Variants in TPRG1 observed in about 807,000 individuals in gnomAD.
TPRG1 encodes tumor protein p63 regulated 1.
Under a neutral mutation model 29.3 loss-of-function variants are expected in TPRG1, and 29 were observed. The observed-to-expected ratio is 0.99, with a 90% CI of 0.74 to 1.35. The LOEUF (loss-of-function observed/expected upper bound fraction) is 1.35. TPRG1 is among the 40% of genes most tolerant of loss of function. The pLI is 0.00. For missense variants in TPRG1, 327 were observed against 335.0 expected (o/e 0.98, Z 0.19); for synonymous variants, 130 against 116.8 (o/e 1.11, Z -0.73).
At chr3:189,054,828 A>AT (rs1224506737) in intron 4 of TPRG1, among the ~76,000 whole-genome samples, 2 of 152,196 alleles carry the variant, frequency 1.3e-5, no homozygotes, top group African/African-American at 4.8e-5. Context: ...AGATAGGATA[A>AT]TAATGACAAT....
At chr3:189,149,928 G>A (rs1407008953) in intron 4 of TPRG1, among the ~76,000 whole-genome samples, 2 of 152,120 alleles carry the variant, frequency 1.3e-5, no homozygotes, top group African/African-American at 4.8e-5. Context: ...TTTCCACATG[G>A]TTGAATAACT....
chr3:189,010,494 T>A (rs1386329375), intron 3 of TPRG1, among the ~76,000 whole-genome samples: 1 of 152,210 alleles, frequency 6.6e-6, no homozygotes, highest in East Asian at 1.9e-4. Flanking sequence ...TGAGATGGTA[T>A]CTCATTGTGG....
chr3:189,068,524 C>G (rs532335407), intron 4 of TPRG1, among the ~76,000 whole-genome samples: 1 of 152,298 alleles, frequency 6.6e-6, no homozygotes, highest in East Asian at 1.9e-4. Flanking sequence ...CGCCTGTAAT[C>G]CCAGCACTTT....
In TPRG1 at chr3:189,250,508, C is replaced by CCG. The variant is rs111406361; in HGVS notation, c.479+11600_479+11601insGC. On this transcript the variant is annotated intron_variant, in intron 4 of 5. Coordinates refer to ENST00000345063, the MANE Select transcript of TPRG1 (RefSeq NM_198485.4). ...TGTTAACAAGTTCTGATTTCCGCCC[C>CCG]CCCCCCCCCACCCAGATTAAAGCTT... 1.0e-4 allele frequency among the ~76,000 whole-genome samples: 8 copies of CCG among 80,248 alleles called. 1 individual carries two copies. The highest frequency in any genetic ancestry group is 1.9e-4 in the Non-Finnish European group (8 of 42,384). The allele number at this position is 80,248 out of a possible 152,430, so 52.6% of individuals were successfully genotyped here. A position where few individuals can be genotyped will look rare whatever the true frequency, so the allele number is the denominator to read the frequency against.
At chr3:189,093,742 A>C (rs1307075997) in intron 4 of TPRG1, among the ~76,000 whole-genome samples, 6 of 152,108 alleles carry the variant, frequency 3.9e-5, no homozygotes, top group African/African-American at 1.2e-4. Flanking sequence ...GGGTTCTGGG[A>C]AATTTGAAGC....
chr3:189,255,505 C>T (rs111621650), intron 4 of TPRG1, among the ~76,000 whole-genome samples: 13,136 of 152,078 alleles, frequency 0.086, 723 homozygotes, highest in East Asian at 0.15. Flanking sequence ...GTGCGTCTAC[C>T]GGGTTTTGGT....
intron 3 of TPRG1, among the ~76,000 whole-genome samples, chr3:189,145,689 C>A (rs1189473117): frequency 1.3e-5 from 2 of 152,098 alleles, no homozygotes; most frequent in African/African-American, 4.8e-5. Context: ...ATAATAACAG[C>A]AAATTAATAT....
chr3:189,072,691 T>A (rs1716882536), intron 4 of TPRG1, among the ~76,000 whole-genome samples: 1 of 152,188 alleles, frequency 6.6e-6, no homozygotes. Context: ...GTATTTTTTA[T>A]AAAACTACCT....
chr3:189,198,723 G>A (rs1732970338), intron 1 of TPRG1, among the ~76,000 whole-genome samples: 1 of 152,156 alleles, frequency 6.6e-6, no homozygotes, highest in Non-Finnish European at 1.5e-5. Context: ...TTCCTGCTCT[G>A]GAATTGCTCA....
At chr3:189,124,624 T>G (rs1722239184) in intron 1 of TPRG1, among the ~76,000 whole-genome samples, 1 of 152,062 alleles carries the variant, frequency 6.6e-6, no homozygotes, top group South Asian at 2.1e-4. Flanking sequence ...TTAACTCATT[T>G]AATACTCTAA....
Position 189,215,356 on chromosome 3 carries a change from C to A in TPRG1, c.275C>A (p.Thr92Asn). ...CACGTAGCTGAGACTTCTGGAGAGA[C>A]CATTCAAGGCTTCTGGCTCTTGACA... ...KGHVAETSGE[T>N]IQGFWLLTKI... Residue 92 changes from threonine (T) to asparagine (N), a missense_variant, in exon 3 of 6, where the codon ACC (threonine) becomes AAC (asparagine). By Grantham distance (65) the Thr-to-Asn change is moderately conservative (BLOSUM62 0). Transcript: ENST00000345063. The A allele has an allele frequency of 6.2e-7, 1 of 1,611,938 alleles. No homozygotes were observed. Among genetic ancestry groups the A allele is most frequent in the Non-Finnish European group, 8.5e-7 (1 of 1,179,108 alleles).
chr3:189,023,672 G>T (rs1386678451), intron 3 of TPRG1: 4 of 152,278 alleles, frequency 2.6e-5, no homozygotes, highest in Non-Finnish European at 5.9e-5. Flanking sequence ...CTTTGGATGG[G>T]GTTATTGTGT....
chr3:189,314,930 G>A (rs1723241075), intron 5 of TPRG1, among the ~76,000 whole-genome samples: 1 of 152,056 alleles, frequency 6.6e-6, no homozygotes, highest in Non-Finnish European at 1.5e-5. Context: ...GACCAGCCTA[G>A]GCAACAGAGT....
chr3:189,106,053 T>TCAA (rs1040429245), intron 1 of TPRG1, among the ~76,000 whole-genome samples: 1 of 151,848 alleles, frequency 6.6e-6, no homozygotes, highest in Non-Finnish European at 1.5e-5. Context: ...AACTGAAAAT[T>TCAA]CAACAACAAC....
At chr3:189,271,432 C>T (rs1360024048) in intron 4 of TPRG1, among the ~76,000 whole-genome samples, 1 of 152,162 alleles carries the variant, frequency 6.6e-6, no homozygotes, top group African/African-American at 2.4e-5. Context: ...CTTAAGCTTG[C>T]CCACATGCAC....
intron 4 of TPRG1, among the ~76,000 whole-genome samples, chr3:189,295,700 G>A (rs1449401454): frequency 2.6e-5 from 4 of 151,972 alleles, no homozygotes; most frequent in African/African-American, 4.8e-5. Flanking sequence ...TTAAATGATT[G>A]GAAGTTCTCA....
intron 4 of TPRG1, among the ~76,000 whole-genome samples, chr3:189,251,259 CAG>C (rs543730404): frequency 8.9e-4 from 136 of 152,184 alleles, no homozygotes; most frequent in African/African-American, 3.1e-3. Flanking sequence ...CTTAATAAAA[CAG>C]AGTTTTGTTT....
At chr3:189,200,797 C>T (rs183008613) in intron 1 of TPRG1, among the ~76,000 whole-genome samples, 1 of 152,298 alleles carries the variant, frequency 6.6e-6, no homozygotes, top group Admixed American at 6.5e-5. Flanking sequence ...GCCTCAGTTT[C>T]CTTACTTGTA....
At chr3:189,013,337 A>C (rs1437693001) in intron 3 of TPRG1, among the ~76,000 whole-genome samples, 1 of 151,960 alleles carries the variant, frequency 6.6e-6, no homozygotes, top group Non-Finnish European at 1.5e-5. Context: ...TTTTAAGTAA[A>C]TTTCTTAATC....
Sources: allele counts gnomAD v4.1 joint callset (sites outside exome capture counted in the v4.1 genomes callset), GRCh38; gene constraint gnomAD v4.1.1; transcripts MANE v1.5; gene names NCBI Gene and HGNC (gene_info 2026-07-23, HGNC 2026-07-21).